The following BRD4 variants were observed in gnomAD, a reference collection of about 807,000 sequenced individuals.
The protein encoded by BRD4 is bromodomain-containing protein 4.
Under a neutral mutation model 142.1 loss-of-function variants are expected in BRD4, and 16 were observed. The observed-to-expected ratio is 0.11, with a 90% CI of 0.08 to 0.17. The LOEUF is 0.17. Among genes scored for constraint, BRD4 ranks in the 10% least tolerant of loss-of-function variants. The probability of loss-of-function intolerance (pLI) is 1.00; values close to 1 mark genes in which losing one functional copy is unlikely to be tolerated. For synonymous variants in BRD4, 833 were observed against 707.5 expected, an observed-to-expected ratio of 1.18 and a Z score of -2.82; for missense variants, 1,424 against 1,810.9, an observed-to-expected ratio of 0.79 and a Z score of 3.88.
intron 1 of BRD4, among the ~76,000 whole-genome samples, chr19:15,312,812 G>GT (rs1398829829): frequency 6.6e-6 from 1 of 151,142 alleles, no homozygotes; most frequent in Admixed American, 6.6e-5. Flanking sequence ...GCGCGTGCCT[G>GT]TAATTCCAGC....
At chr19:15,249,065 C>G in intron 11 of BRD4, 1 of 672,198 alleles carries the variant, frequency 1.5e-6, no homozygotes, top group Non-Finnish European at 2.5e-6. Flanking sequence ...GAGGCCTGGG[C>G]GGCTGGCCAG....
intron 7 of BRD4, among the ~76,000 whole-genome samples, chr19:15,260,664 C>T (rs1425486365): frequency 6.6e-6 from 1 of 152,130 alleles, no homozygotes; most frequent in Non-Finnish European, 1.5e-5. Context: ...TGTGTCCACT[C>T]CAGTCCGGCA....
rs188081615 is a variant in BRD4, at chr19:15,328,161, T to C, written c.-35+4129A>G. On this transcript the variant is annotated intron_variant, in intron 1 of 19. Coordinates refer to ENST00000679869, the MANE Select transcript of BRD4 (RefSeq NM_001379291.1). ...TAAAGACTACGCATATTAAAGTCAT[T>C]ATACAAATATCTTTCAGTCTTTCCT... 3.9e-5 allele frequency among the ~76,000 whole-genome samples: 6 copies of C among 152,244 alleles called. 1 individual carries two copies. In the East Asian group the frequency reaches 1.2e-3, roughly 29 times the overall value.
chr19:15,250,704 G>A (rs1330419509), intron 11 of BRD4, among the ~76,000 whole-genome samples: 2 of 152,186 alleles, frequency 1.3e-5, no homozygotes, highest in African/African-American at 2.4e-5. Context: ...AAGCTGTGGG[G>A]ACACTTCTGC....
chr19:15,262,933 C>T (rs796531118), intron 7 of BRD4, among the ~76,000 whole-genome samples: 5 of 152,272 alleles, frequency 3.3e-5, no homozygotes, highest in African/African-American at 1.2e-4. Flanking sequence ...GTGCACCACC[C>T]AGGCTCTCAA....
intron 1 of BRD4, among the ~76,000 whole-genome samples, chr19:15,293,867 T>A (rs1568401279): frequency 6.6e-6 from 1 of 152,246 alleles, no homozygotes; most frequent in African/African-American, 2.4e-5. Context: ...TTTGACCATT[T>A]TTGGTATCTC....
rs1460626088 is a variant in BRD4 at position 15,310,771 on chromosome 19, AGG to A, written c.-35+21517_-35+21518del. Reference sequence around the variant, plus strand: ...CGGCCTCCCAAAGTGCTAGGATTACAGGCATGAGCCACCGTGCCTGGCCTTAA... The same window carrying A: ...CGGCCTCCCAAAGTGCTAGGATTACACATGAGCCACCGTGCCTGGCCTTAA... On this transcript the variant is annotated intron_variant, in intron 1 of 19. Coordinates refer to ENST00000679869, the MANE Select transcript of BRD4 (RefSeq NM_001379291.1). 5.7e-3 allele frequency among the ~76,000 whole-genome samples: 859 copies of A among 151,710 alleles called. 8 individuals carry two copies. The highest frequency in any genetic ancestry group is 0.02 in the African/African-American group (818 of 41,446).
chr19:15,244,015 A>G (rs1304740662), intron 13 of BRD4, among the ~76,000 whole-genome samples: 2 of 152,194 alleles, frequency 1.3e-5, no homozygotes, highest in African/African-American at 4.8e-5. Flanking sequence ...TTAGAAACAA[A>G]AATCTTCTGA....
At position 15,239,532 on chromosome 19, in the gene BRD4, A is replaced by G. The variant is rs200185869; in HGVS notation, c.3446-10T>C. ...GGCTTCATTTCCGGCCCTGGAACATAAACAGCCGGTGGGCCCTGGCCCACC... is the reference window on the plus strand; with the variant it reads ...GGCTTCATTTCCGGCCCTGGAACATGAACAGCCGGTGGGCCCTGGCCCACC... On this transcript the variant is annotated splice_polypyrimidine_tract_variant and intron_variant, in intron 16 of 19. Coordinates refer to ENST00000679869, the MANE Select transcript of BRD4 (RefSeq NM_001379291.1). The surrounding 1 kb of genome is among the most constrained non-coding windows in gnomAD (Gnocchi z 7.4). 5.0e-6 allele frequency: 8 copies of G among 1,607,964 alleles called. No homozygotes were observed. In the African/African-American group the frequency reaches 1.1e-4, roughly 21 times the overall value.
Position 15,256,093 on chromosome 19 carries a change from C to G in BRD4, c.1722G>C (p.Lys574Asn). Reference sequence around the variant, plus strand: ...CATTGCTGTTGCTGCTATTATTTTTCTTCGTCTTTTTAGGAGGAGGTTCCT... The same window carrying G: ...CATTGCTGTTGCTGCTATTATTTTTGTTCGTCTTTTTAGGAGGAGGTTCCT... ...KAKEPPPKKT[K>N]KNNSSNSNVS... is the part of the protein sequence containing the mutation. The change falls in exon 9 of 20, where the codon AAG becomes AAC. Residue 574 changes from lysine to asparagine, a missense_variant. Coordinates refer to ENST00000679869, the MANE Select transcript of BRD4 (RefSeq NM_001379291.1). 6.2e-7 allele frequency: 1 copy of G among 1,611,790 alleles called. No homozygotes were observed. Among genetic ancestry groups the G allele is most frequent in the South Asian group, 1.1e-5 (1 of 90,900 alleles).
chr19:15,273,186 G>A (rs1166886438), intron 1 of BRD4, 53 bp from the exon 2 acceptor site: 41 of 1,473,218 alleles, frequency 2.8e-5, no homozygotes, highest in African/African-American at 5.6e-5. Context: ...GATGGGCACC[G>A]CTCAGAATGA....
intron 1 of BRD4, among the ~76,000 whole-genome samples, chr19:15,283,328 T>C (rs1225308171): frequency 6.6e-6 from 1 of 152,310 alleles, no homozygotes; most frequent in African/African-American, 2.4e-5. Context: ...CTGGTGTCAA[T>C]CAGAAAATTT....
intron 11 of BRD4, 86 bp from the exon 12 acceptor site, chr19:15,244,848 C>A (rs2047271860): frequency 3.1e-6 from 5 of 1,603,612 alleles, no homozygotes; most frequent in Non-Finnish European, 3.4e-6. Context: ...GAAAACAGGG[C>A]ACTTTCAGGA....
rs1297617615 is a variant in BRD4, at chr19:15,332,403, G to C, written c.-148C>G. The C allele has an allele frequency of 6.8e-6, 1 of 145,998 alleles. No homozygotes were observed. The highest frequency in any genetic ancestry group is 2.5e-5 in the African/African-American group (1 of 40,382). 9.0% of individuals were successfully genotyped at this position (145,998 alleles called of 1,614,324 possible). A position where few individuals can be genotyped will look rare whatever the true frequency, so the allele number is the denominator to read the frequency against. On this transcript the variant is annotated 5_prime_UTR_variant, in exon 1 of 20. Transcript: ENST00000679869. Reference sequence around the variant, plus strand: ...CGCCCGCCGCTCTGCCGAGCTCACAGGCCGCGCTCGCCCGCGGGCACCGCC... The same window carrying C: ...CGCCCGCCGCTCTGCCGAGCTCACACGCCGCGCTCGCCCGCGGGCACCGCC...
rs1555734343 is a variant in BRD4 at position 15,237,252 on chromosome 19, G to GT, written c.*1124_*1125insA. On this transcript the variant is annotated 3_prime_UTR_variant, in exon 20 of 20. Coordinates refer to ENST00000679869, the MANE Select transcript of BRD4 (RefSeq NM_001379291.1). ...AAAAAGCCAACAAATGGGTGGGGGG[G>GT]GGGGGGGTGGAGGGGAAAGAAAAGA... The GT allele has an allele frequency of 8.4e-6, 1 of 119,520 alleles. No individual in the cohort carries two copies. Among genetic ancestry groups the GT allele is most frequent in the Non-Finnish European group, 1.6e-5 (1 of 60,610 alleles). 7.4% of individuals were successfully genotyped at this position (119,520 alleles called of 1,614,324 possible).
At chr19:15,331,499 G>A (rs568108218) in intron 1 of BRD4, among the ~76,000 whole-genome samples, 5 of 152,364 alleles carry the variant, frequency 3.3e-5, no homozygotes, top group Admixed American at 1.3e-4. Flanking sequence ...AAAGCGCCCA[G>A]CAAGGGGCTG....
At chr19:15,304,962 T>C (rs1166899474) in intron 1 of BRD4, among the ~76,000 whole-genome samples, 2 of 152,040 alleles carry the variant, frequency 1.3e-5, no homozygotes, top group African/African-American at 4.8e-5. Context: ...CAGGATAGTG[T>C]TCTTCCCACC....
At chr19:15,289,084 T>C (rs1321195715) in intron 1 of BRD4, among the ~76,000 whole-genome samples, 1 of 152,162 alleles carries the variant, frequency 6.6e-6, no homozygotes, top group Non-Finnish European at 1.5e-5. Flanking sequence ...AATACCTTTG[T>C]TTAGTAACCC....
intron 1 of BRD4, among the ~76,000 whole-genome samples, chr19:15,288,393 C>A (rs2047756092): frequency 6.6e-6 from 1 of 152,080 alleles, no homozygotes; most frequent in South Asian, 2.1e-4. Context: ...AGCAAGACCA[C>A]ATCTCAAAAA....
Sources: gnomAD v4.1 joint callset for allele counts (sites outside exome capture counted in the v4.1 genomes callset) on GRCh38, gnomAD v4.1.1 for gene constraint, Gnocchi (gnomAD v3.1) non-coding constraint, MANE v1.5 for transcripts, NCBI Gene and HGNC (gene_info 2026-07-23, HGNC 2026-07-21) for gene names.